CABLES1: variants seen among roughly 807,000 people sequenced by gnomAD.
The protein encoded by CABLES1 is Cdk5 and Abl enzyme substrate 1.
Under a neutral mutation model 57.8 loss-of-function variants are expected in CABLES1, and 36 were observed. The observed-to-expected ratio is 0.62, with a 90% CI of 0.48 to 0.82. The LOEUF (loss-of-function observed/expected upper bound fraction) is 0.82, where lower values mean the gene tolerates loss of function less well. Among genes scored for constraint, CABLES1 ranks in the 40% least tolerant of loss-of-function variants. The pLI, the probability that CABLES1 is intolerant of heterozygous loss-of-function variation, is 0.00. For missense variants in CABLES1, 767 were observed against 836.6 expected, an observed-to-expected ratio of 0.92 and a Z score of 1.03; for synonymous variants, 374 against 363.0, an observed-to-expected ratio of 1.03 and a Z score of -0.35.
At chr18:23,172,810 C>T (rs1393975715) in intron 1 of CABLES1, among the ~76,000 whole-genome samples, 2 of 152,162 alleles carry the variant, frequency 1.3e-5, no homozygotes, top group South Asian at 2.1e-4. Context: ...ATTAAGAATA[C>T]GGTGAGGCAG....
At chr18:23,246,081 C>T (rs567108727) in intron 7 of CABLES1, among the ~76,000 whole-genome samples, 13 of 152,182 alleles carry the variant, frequency 8.5e-5, no homozygotes, top group East Asian at 3.9e-4. Flanking sequence ...TCCTGGCCAA[C>T]GGTGTAACCC....
chr18:23,215,241 C>T (rs2047433185), intron 4 of CABLES1, among the ~76,000 whole-genome samples: 1 of 152,104 alleles, frequency 6.6e-6, no homozygotes. Context: ...CAGTGGGCTG[C>T]CCAGAGAGAT....
intron 1 of CABLES1, among the ~76,000 whole-genome samples, chr18:23,136,990 G>A (rs1373132578): frequency 1.3e-5 from 2 of 152,236 alleles, no homozygotes; most frequent in Non-Finnish European, 2.9e-5. Context: ...TCGGCCGGGC[G>A]CAGAGTGGAG....
chr18:23,135,838 A>T lies in CABLES1; in HGVS notation c.76A>T (p.Ser26Cys). The change falls in exon 1 of 10, where the codon AGC (serine) becomes TGC (cysteine). Residue 26 changes from serine (S) to cysteine (C), a missense_variant. Ser to Cys is a moderately radical substitution (Grantham distance 112, BLOSUM62 -1). Coordinates refer to ENST00000256925, the MANE Select transcript of CABLES1 (RefSeq NM_001100619.3). ...GSAGTDAAGASGLQQPPPQPQ... is the reference protein window; with the variant it reads ...GSAGTDAAGACGLQQPPPQPQ... Reference sequence around the variant, plus strand: ...CGCCGGCACCGACGCCGCGGGCGCCAGCGGATTGCAGCAGCCGCCGCCGCA... The same window carrying T: ...CGCCGGCACCGACGCCGCGGGCGCCTGCGGATTGCAGCAGCCGCCGCCGCA... 1 of 970,550 alleles carries T rather than the reference A, an allele frequency of 1.0e-6. No homozygotes were observed. Among genetic ancestry groups the T allele is most frequent in the Non-Finnish European group, 1.2e-6 (1 of 817,594 alleles). 60.1% of individuals were successfully genotyped at this position (970,550 alleles called of 1,614,324 possible).
chr18:23,252,932 G>A (rs767813741), intron 7 of CABLES1, 28 bp from the exon 8 acceptor site: 9 of 1,441,644 alleles, frequency 6.2e-6, no homozygotes, highest in Non-Finnish European at 8.8e-6. Flanking sequence ...GTTTTAAGGA[G>A]TGATCCGTGT....
At chr18:23,156,065 G>A (rs2046963610) in intron 1 of CABLES1, 1 of 1,255,214 alleles carries the variant, frequency 8.0e-7, no homozygotes, top group African/African-American at 1.5e-5. Flanking sequence ...GGCTCAGCCT[G>A]GAAAAGCGGG....
intron 3 of CABLES1, among the ~76,000 whole-genome samples, chr18:23,201,931 A>C (rs1443772069): frequency 6.6e-6 from 1 of 152,190 alleles, no homozygotes; most frequent in East Asian, 1.9e-4. Flanking sequence ...GGGCTATCCC[A>C]GTGGGGAAGC....
At position 23,223,707 on chromosome 18, in the gene CABLES1, G is replaced by C. The variant is rs372806597; in HGVS notation, c.1088+9653G>C. 3.8e-4 allele frequency among the ~76,000 whole-genome samples: 57 copies of C among 151,838 alleles called. No individual in the cohort carries two copies. In the East Asian group the frequency reaches 5.4e-3, roughly 14 times the overall value. On this transcript the variant is annotated intron_variant, in intron 4 of 9. Coordinates refer to ENST00000256925, the MANE Select transcript of CABLES1 (RefSeq NM_001100619.3). ...CTAGGGTGGACTGAAGCCCCTGCCT[G>C]CATCCTCTCCGCCACCACCCACCCG...
chr18:23,238,083 C>T (rs892578960), intron 7 of CABLES1, among the ~76,000 whole-genome samples: 24 of 152,268 alleles, frequency 1.6e-4, no homozygotes, highest in East Asian at 1.9e-4. Flanking sequence ...CCGGCACAGC[C>T]GAGCGCTTCC....
chr18:23,175,941 T>TAA (rs1425496196), intron 1 of CABLES1, among the ~76,000 whole-genome samples: 1 of 151,242 alleles, frequency 6.6e-6, no homozygotes, highest in Non-Finnish European at 1.5e-5. Flanking sequence ...TGAATAAATG[T>TAA]AAAAAAAAAG....
intron 1 of CABLES1, among the ~76,000 whole-genome samples, chr18:23,179,801 G>T (rs2047151268): frequency 6.6e-6 from 1 of 152,274 alleles, no homozygotes; most frequent in East Asian, 1.9e-4. Context: ...TGAAGGGAAG[G>T]CCGTTTTGCT....
At chr18:23,143,193 C>T (rs932621584) in intron 1 of CABLES1, among the ~76,000 whole-genome samples, 1 of 152,190 alleles carries the variant, frequency 6.6e-6, no homozygotes, top group African/African-American at 2.4e-5. Flanking sequence ...GGGAAGACCT[C>T]TGTGCATTTG....
intron 7 of CABLES1, 113 bp from the exon 8 acceptor site, chr18:23,252,847 A>G (rs1362284259): frequency 4.5e-6 from 3 of 667,864 alleles, no homozygotes; most frequent in East Asian, 5.8e-5. Flanking sequence ...CTCCAATGCA[A>G]GTTTTCCCGT....
chr18:23,202,283 T>C (rs74724697), intron 3 of CABLES1, among the ~76,000 whole-genome samples: 11,362 of 152,278 alleles, frequency 0.075, 909 homozygotes, highest in Admixed American at 0.22. Context: ...GGTATTATCT[T>C]CTAAAAGAGT....
chr18:23,162,397 G>A (rs2047011774), intron 1 of CABLES1, among the ~76,000 whole-genome samples: 1 of 152,138 alleles, frequency 6.6e-6, no homozygotes, highest in South Asian at 2.1e-4. Context: ...ATAAACCTAG[G>A]CAGCTGAAGG....
chr18:23,157,012 A>C (rs1416170783), intron 1 of CABLES1, among the ~76,000 whole-genome samples: 2 of 152,192 alleles, frequency 1.3e-5, no homozygotes, highest in African/African-American at 4.8e-5. Context: ...GGTGACTCAA[A>C]TTTTTTGCCA....
At chr18:23,158,381 G>A (rs891872062) in intron 1 of CABLES1, among the ~76,000 whole-genome samples, 1 of 152,130 alleles carries the variant, frequency 6.6e-6, no homozygotes, top group Non-Finnish European at 1.5e-5. Context: ...ATCCATGCCC[G>A]GCACCCTGTA....
intron 1 of CABLES1, among the ~76,000 whole-genome samples, chr18:23,144,048 C>T (rs969578542): frequency 6.6e-6 from 1 of 152,218 alleles, no homozygotes; most frequent in East Asian, 1.9e-4. Flanking sequence ...CTGGCACTCT[C>T]AGGCTTCTCC....
At chr18:23,151,080 G>A (rs1331249569) in intron 1 of CABLES1, among the ~76,000 whole-genome samples, 3 of 147,086 alleles carry the variant, frequency 2.0e-5, no homozygotes, top group Admixed American at 1.4e-4. Flanking sequence ...GTGCAGTGGC[G>A]CGATCTCGGC....
Sources: allele counts gnomAD v4.1 joint callset (sites outside exome capture counted in the v4.1 genomes callset), GRCh38; gene constraint gnomAD v4.1.1; transcripts MANE v1.5; gene names NCBI Gene and HGNC (gene_info 2026-07-23, HGNC 2026-07-21).